The following WDR27 variants were observed in gnomAD, a reference collection of about 807,000 sequenced individuals.
WDR27 encodes WD repeat domain 27.
In WDR27, 100 loss-of-function variants were observed where a neutral mutation model predicts 114.4. That is an observed-to-expected ratio of 0.87 (90% CI 0.74 to 1.03). The LOEUF (loss-of-function observed/expected upper bound fraction) is 1.03. Among genes scored for constraint, WDR27 ranks in the 50% least tolerant of loss-of-function variants. WDR27 has a pLI of 0.00. For missense variants in WDR27, 1,129 were observed against 1,092.9 expected (o/e 1.03, Z -0.47); for synonymous variants, 449 against 423.1 (o/e 1.06, Z -0.75).
In WDR27 at chr6:169,633,010, G is replaced by C; in HGVS notation, c.2160C>G (p.Gly720=). The stretch of plus-strand genomic sequence containing the variant: ...CTTCCGCTATCACCGCTGCACTGCA[G>C]CCGGCGTTGAGGTCAAACACTTCCA... The part of the protein sequence containing the change: ...RTVEVFDLNA[G]CSAAVIAEAH... Residue 720 remains glycine, a synonymous_variant, in exon 21 of 26, where the codon GGC becomes GGG. Coordinates refer to ENST00000448612, the MANE Select transcript of WDR27 (RefSeq NM_182552.5). 6.3e-7 allele frequency: 1 copy of C among 1,598,890 alleles called. No homozygotes were observed. The highest frequency in any genetic ancestry group is 8.6e-7 in the Non-Finnish European group (1 of 1,167,670).
chr6:169,427,047 G>C, the WDR27 span: 1 of 152,478 alleles, frequency 6.6e-6, no homozygotes, highest in East Asian at 1.9e-4. Context: ...GAAGAAATCA[G>C]CAGGTGAATG....
intron 25 of WDR27, among the ~76,000 whole-genome samples, chr6:169,461,097 C>T (rs921698225): frequency 6.6e-6 from 1 of 151,786 alleles, no homozygotes; most frequent in Admixed American, 6.6e-5. Context: ...CATTTACATA[C>T]CTAATAACAG....
intron 14 of WDR27, among the ~76,000 whole-genome samples, chr6:169,650,580 T>C (rs947787379): frequency 7.2e-6 from 1 of 139,556 alleles, no homozygotes; most frequent in African/African-American, 2.7e-5. Flanking sequence ...CATTCATCCA[T>C]TGCTCATCTC....
Position 169,582,889 on chromosome 6 carries a change from C to T in WDR27, c.2470G>A (p.Ala824Thr), listed in dbSNP as rs1189913384. ...CCAGTGACAGTGTCTGTGTGCCCAGCCAGCCGGTGAGAAAACGTGCTTGAG... is the reference window on the plus strand; with the variant it reads ...CCAGTGACAGTGTCTGTGTGCCCAGTCAGCCGGTGAGAAAACGTGCTTGAG... The part of the protein sequence containing the change: ...MGSSTFSHRL[A>T]GHTDTVTGVA... Residue 824 changes from alanine to threonine, a missense_variant, in exon 24 of 26, where the codon GCT becomes ACT. Coordinates refer to ENST00000448612, the MANE Select transcript of WDR27 (RefSeq NM_182552.5). 7 of 1,613,924 alleles carry T rather than the reference C, an allele frequency of 4.3e-6. No homozygotes were observed. Among genetic ancestry groups the T allele is most frequent in the African/African-American group, 1.3e-5 (1 of 75,036 alleles).
At chr6:169,690,848 T>C (rs554154578) in intron 1 of WDR27, among the ~76,000 whole-genome samples, 2 of 152,104 alleles carry the variant, frequency 1.3e-5, no homozygotes, top group South Asian at 4.2e-4. Context: ...ATTTCCTGTG[T>C]GCAGGGGGGA....
rs747919527 is a variant in WDR27 at position 169,640,058 on chromosome 6, CAAG to C, written c.1748-1401_1748-1399del. Among the ~76,000 whole-genome samples the C allele has an allele frequency of 3.3e-5, 5 of 152,222 alleles. No homozygotes were observed. In the East Asian group the frequency reaches 5.8e-4, roughly 18 times the overall value. On this transcript the variant is annotated intron_variant, in intron 17 of 25. Transcript: ENST00000448612. ...CCCCTGAGCACCCGGGCTGGGATGG[CAAG>C]AAGAAGACTGACGGGCAGCCTCACT...
At chr6:169,498,308 T>A (rs993140518) in intron 25 of WDR27, among the ~76,000 whole-genome samples, 4 of 152,036 alleles carry the variant, frequency 2.6e-5, no homozygotes, top group African/African-American at 9.7e-5. Context: ...AATGGGGAGT[T>A]AGTGTTAATG....
At chr6:169,465,539 CTG>C (rs1785470793) in intron 25 of WDR27, among the ~76,000 whole-genome samples, 1 of 152,080 alleles carries the variant, frequency 6.6e-6, no homozygotes, top group Admixed American at 6.5e-5. Context: ...AATTTCACCT[CTG>C]GGTATATATG....
At chr6:169,596,438 T>A (rs1296740954) in intron 23 of WDR27, among the ~76,000 whole-genome samples, 2 of 152,088 alleles carry the variant, frequency 1.3e-5, no homozygotes, top group Admixed American at 6.5e-5. Context: ...CTAATTTTCA[T>A]CAGTTCTCAT....
At chr6:169,651,423 G>A (rs1437308379) in intron 14 of WDR27, among the ~76,000 whole-genome samples, 1 of 152,104 alleles carries the variant, frequency 6.6e-6, no homozygotes, top group Non-Finnish European at 1.5e-5. Context: ...GTGGGCTCCT[G>A]AAGGTTTAGG....
rs200800808 is a variant in WDR27 at position 169,473,258 on chromosome 6, T to A, written c.2646-15624A>T. On this transcript the variant is annotated intron_variant, in intron 25 of 25. Transcript: ENST00000448612. ...CAGAAGATGTGCCACTTGACCCAGC[T>A]CTCTGTCCACATCAGCTCATCCCCA... Among the ~76,000 whole-genome samples the A allele has an allele frequency of 5.3e-5, 8 of 152,316 alleles. 1 individual carries two copies. The East Asian group carries it at 1.5e-3, about 29-fold the overall frequency.
chr6:169,661,844 T>C (rs1017112597), intron 9 of WDR27, among the ~76,000 whole-genome samples: 1 of 152,268 alleles, frequency 6.6e-6, no homozygotes, highest in Non-Finnish European at 1.5e-5. Flanking sequence ...GTAAACATAA[T>C]TGTAATATAT....
chr6:169,489,440 A>G lies in WDR27; in HGVS notation c.2646-31806T>C, dbSNP rs372727362. ...ACTTCTGCACTGGGCAGCCACGCCCATCGCCCGCTGTGATCTACAGATTTC... is the reference window on the plus strand; with the variant it reads ...ACTTCTGCACTGGGCAGCCACGCCCGTCGCCCGCTGTGATCTACAGATTTC... On this transcript the variant is annotated intron_variant, in intron 25 of 25. Coordinates refer to ENST00000448612, the MANE Select transcript of WDR27 (RefSeq NM_182552.5). 1.3e-4 allele frequency among the ~76,000 whole-genome samples: 20 copies of G among 152,284 alleles called. No individual in the cohort carries two copies. In the South Asian group the frequency reaches 2.5e-3, roughly 19 times the overall value.
chr6:169,637,418 G>A (rs959901971), intron 18 of WDR27, among the ~76,000 whole-genome samples: 8 of 152,258 alleles, frequency 5.3e-5, no homozygotes, highest in African/African-American at 1.9e-4. Flanking sequence ...ATGTATGCAT[G>A]CATGTGGCAA....
At chr6:169,570,915 G>A (rs534660508) in intron 25 of WDR27, among the ~76,000 whole-genome samples, 116 of 152,314 alleles carry the variant, frequency 7.6e-4, no homozygotes, top group South Asian at 3.7e-3. Flanking sequence ...GGCCAGGAAG[G>A]AGGGGACAGC....
intron 25 of WDR27, among the ~76,000 whole-genome samples, chr6:169,524,208 C>A (rs1351651166): frequency 6.6e-6 from 1 of 151,950 alleles, no homozygotes; most frequent in Non-Finnish European, 1.5e-5. Context: ...TATAAAATGC[C>A]TAGGAATCAA....
intron 24 of WDR27, among the ~76,000 whole-genome samples, chr6:169,573,864 C>T (rs570723432): frequency 5.1e-4 from 77 of 152,314 alleles, no homozygotes; most frequent in African/African-American, 1.8e-3. Flanking sequence ...AGCTTTCTTT[C>T]GTCTTTTGCA....
At chr6:169,499,767 C>T (rs2115474147) in intron 25 of WDR27, among the ~76,000 whole-genome samples, 1 of 152,352 alleles carries the variant, frequency 6.6e-6, no homozygotes, top group African/African-American at 2.4e-5. Context: ...AAGTGGGCCA[C>T]CTGAGCTCCT....
At chr6:169,597,193 A>G (rs1050525514) in intron 23 of WDR27, among the ~76,000 whole-genome samples, 4 of 152,206 alleles carry the variant, frequency 2.6e-5, no homozygotes, top group South Asian at 4.1e-4. Flanking sequence ...GGAAAGTCCA[A>G]CAATGCAGTA....
Sources: gnomAD v4.1 joint callset for allele counts (sites outside exome capture counted in the v4.1 genomes callset) on GRCh38, gnomAD v4.1.1 for gene constraint, MANE v1.5 for transcripts, NCBI Gene and HGNC (gene_info 2026-07-23, HGNC 2026-07-21) for gene names.